TDRD10: variants seen among roughly 807,000 people sequenced by gnomAD.
TDRD10 encodes tudor domain-containing protein 10.
Under a neutral mutation model 48.0 loss-of-function variants are expected in TDRD10, and 40 were observed. The ratio of observed to expected loss-of-function variants is 0.83; its 90% confidence interval spans 0.65 to 1.09. TDRD10 has a LOEUF of 1.09. Ranked by LOEUF, TDRD10 falls within the 50% of genes least tolerant of loss-of-function variation. The pLI, the probability that TDRD10 is intolerant of heterozygous loss-of-function variation, is 0.00. For synonymous variants in TDRD10, 162 were observed against 170.4 expected (o/e 0.95, Z 0.38); for missense variants, 378 against 434.7 (o/e 0.87, Z 1.16).
intron 4 of TDRD10, among the ~76,000 whole-genome samples, chr1:154,517,416 A>G (rs564450407): frequency 1.4e-4 from 21 of 149,498 alleles, no homozygotes; most frequent in African/African-American, 5.1e-4. Context: ...AGCTGATATT[A>G]GACCTTTTTT....
intron 6 of TDRD10, among the ~76,000 whole-genome samples, chr1:154,540,804 G>A (rs1424055432): frequency 6.6e-6 from 1 of 152,178 alleles, no homozygotes; most frequent in Non-Finnish European, 1.5e-5. Flanking sequence ...ACAAGTCCTG[G>A]GATGTGCCAG....
rs1248784299 is a variant in TDRD10, at chr1:154,502,934, G to T, written c.-123G>T. 6.6e-6 allele frequency: 1 copy of T among 152,348 alleles called. No individual in the cohort carries two copies. The highest frequency in any genetic ancestry group is 1.5e-5 in the Non-Finnish European group (1 of 68,180). 9.4% of individuals were successfully genotyped at this position (152,348 alleles called of 1,614,324 possible). A position where few individuals can be genotyped will look rare whatever the true frequency, so the allele number is the denominator to read the frequency against. ...ATTGGCTGCCGGCAAGCCCCGCCCC[G>T]TGCCCCCGGGCTCAGAGGGGGCGGA... On this transcript the variant is annotated 5_prime_UTR_variant, in exon 1 of 13. Transcript: ENST00000368482.
chr1:154,533,375 G>A (rs933526904), intron 6 of TDRD10, among the ~76,000 whole-genome samples: 1 of 142,706 alleles, frequency 7.0e-6, no homozygotes, highest in African/African-American at 2.6e-5. Flanking sequence ...TTTTTTTCTG[G>A]ACCTACTGGT....
chr1:154,542,044 TGAA>T lies in TDRD10; in HGVS notation c.392_394del (p.Glu131del), dbSNP rs1557835772. On this transcript the variant is annotated inframe_deletion, in exon 7 of 13. Transcript: ENST00000368482. ...CCCAGGTGTTGGAGAAGGCTTCTGGTGAAGGATTTGGCAAAACCGCCGGTGAGA... is the reference window on the plus strand; with the variant it reads ...CCCAGGTGTTGGAGAAGGCTTCTGGTGGATTTGGCAAAACCGCCGGTGAGA... 6.2e-7 allele frequency: 1 copy of T among 1,613,996 alleles called. No individual in the cohort carries two copies.
chr1:154,531,879 CACTAGATTA>C (rs1243739519), intron 6 of TDRD10, among the ~76,000 whole-genome samples: 1 of 152,190 alleles, frequency 6.6e-6, no homozygotes, highest in African/African-American at 2.4e-5. Flanking sequence ...TCCACCTCAC[CACTAGATTA>C]GCTAGATACA....
chr1:154,506,840 C>G (rs1693178904), intron 1 of TDRD10, 37 bp from the exon 2 acceptor site: 1 of 1,575,670 alleles, frequency 6.3e-7, no homozygotes, highest in Admixed American at 1.7e-5. Context: ...GTGAACTATC[C>G]TGGCATTCCT....
intron 6 of TDRD10, among the ~76,000 whole-genome samples, chr1:154,537,750 T>C (rs1048331376): frequency 6.6e-6 from 1 of 152,190 alleles, no homozygotes; most frequent in Non-Finnish European, 1.5e-5. Flanking sequence ...CCAACCTTTG[T>C]ATTTTTGTTT....
intron 6 of TDRD10, among the ~76,000 whole-genome samples, chr1:154,538,086 T>C (rs1404239148): frequency 1.3e-5 from 2 of 152,238 alleles, no homozygotes; most frequent in Non-Finnish European, 2.9e-5. Context: ...TAGATTTTCC[T>C]CTGGAACTTA....
At chr1:154,530,015 CT>C (rs1694524155) in intron 6 of TDRD10, among the ~76,000 whole-genome samples, 1 of 151,590 alleles carries the variant, frequency 6.6e-6, no homozygotes, top group South Asian at 2.1e-4. Flanking sequence ...TTTTTCTTTT[CT>C]TTTTTTTTCT....
At chr1:154,542,843 C>G in intron 8 of TDRD10, 22 bp downstream of exon 8, 1 of 1,596,112 alleles carries the variant, frequency 6.3e-7, no homozygotes, top group Non-Finnish European at 8.6e-7. Context: ...ATAGAAAGAC[C>G]ACCAGGGCAA....
At chr1:154,540,948 C>T (rs1322236037) in intron 6 of TDRD10, among the ~76,000 whole-genome samples, 1 of 152,144 alleles carries the variant, frequency 6.6e-6, no homozygotes, top group East Asian at 1.9e-4. Context: ...AGGGGAGTGA[C>T]CATTGGATTT....
At chr1:154,517,093 A>G (rs1693810117) in intron 4 of TDRD10, among the ~76,000 whole-genome samples, 1 of 151,878 alleles carries the variant, frequency 6.6e-6, no homozygotes, top group Non-Finnish European at 1.5e-5. Context: ...GGAGAACCAG[A>G]GGTGTGAGTG....
In TDRD10 at chr1:154,547,872, CAA is replaced by C. The variant is rs985760130; in HGVS notation, c.*165_*166del. Reference sequence around the variant, plus strand: ...TTGCTTTTACTCCCAGCTTCCCTCTCAAAAGAGAGTGAAGTCTCATTTGTCAT... The same window carrying C: ...TTGCTTTTACTCCCAGCTTCCCTCTCAAGAGAGTGAAGTCTCATTTGTCAT... On this transcript the variant is annotated 3_prime_UTR_variant, in exon 13 of 13. Transcript: ENST00000368482. 4 of 759,196 alleles carry C rather than the reference CAA, an allele frequency of 5.3e-6. No homozygotes were observed. The Admixed American group carries it at 8.1e-5, about 15-fold the overall frequency. 47.0% of individuals were successfully genotyped at this position (759,196 alleles called of 1,614,324 possible).
intron 4 of TDRD10, among the ~76,000 whole-genome samples, chr1:154,517,214 C>T (rs771000272): frequency 1.3e-5 from 2 of 152,166 alleles, no homozygotes; most frequent in Non-Finnish European, 2.9e-5. Flanking sequence ...AGCTGAGGTG[C>T]TGGGCAGGTG....
chr1:154,503,881 T>G (rs1450852996), intron 1 of TDRD10, among the ~76,000 whole-genome samples: 2 of 152,218 alleles, frequency 1.3e-5, no homozygotes, highest in East Asian at 3.8e-4. Flanking sequence ...TGAGATATAA[T>G]TCACATACCA....
At chr1:154,513,396 T>A (rs1355156588) in intron 4 of TDRD10, among the ~76,000 whole-genome samples, 2 of 152,152 alleles carry the variant, frequency 1.3e-5, no homozygotes, top group Non-Finnish European at 2.9e-5. Context: ...TGAGAGAAAG[T>A]TCTTTACAGA....
chr1:154,533,586 G>A (rs1021940582), intron 6 of TDRD10, among the ~76,000 whole-genome samples: 2 of 151,962 alleles, frequency 1.3e-5, no homozygotes, highest in African/African-American at 4.8e-5. Context: ...ACAAAACTAA[G>A]ATGAAGTATG....
At chr1:154,518,216 A>G (rs962202880) in intron 4 of TDRD10, among the ~76,000 whole-genome samples, 1 of 152,220 alleles carries the variant, frequency 6.6e-6, no homozygotes, top group African/African-American at 2.4e-5. Context: ...CATGATATTT[A>G]TAGTAGATGT....
At chr1:154,529,528 C>G (rs1468718567) in intron 6 of TDRD10, among the ~76,000 whole-genome samples, 1 of 146,078 alleles carries the variant, frequency 6.8e-6, no homozygotes, top group Non-Finnish European at 1.5e-5. Flanking sequence ...AATATTTACC[C>G]ATATTTTTTC....
Sources: gnomAD v4.1 joint callset for allele counts (sites outside exome capture counted in the v4.1 genomes callset) on GRCh38, gnomAD v4.1.1 for gene constraint, MANE v1.5 for transcripts, NCBI Gene and HGNC (gene_info 2026-07-23, HGNC 2026-07-21) for gene names.